IP6K1: variants seen among roughly 807,000 people sequenced by gnomAD.
The protein encoded by IP6K1 is ATP:1D-myo-inositol-hexakisphosphate phosphotransferase.
In IP6K1, 13 loss-of-function variants were observed where a neutral mutation model predicts 38.3. The ratio of observed to expected loss-of-function variants is 0.34; its 90% confidence interval spans 0.22 to 0.54. The LOEUF (loss-of-function observed/expected upper bound fraction) is 0.54, where lower values mean the gene tolerates loss of function less well. Among genes scored for constraint, IP6K1 ranks in the 20% least tolerant of loss-of-function variants. The pLI, the probability that IP6K1 is intolerant of heterozygous loss-of-function variation, is 0.92. For synonymous variants in IP6K1, 212 were observed against 229.9 expected (o/e 0.92, Z 0.70); for missense variants, 397 against 599.8 (o/e 0.66, Z 3.53).
chr3:49,764,403 A>G lies in IP6K1; in HGVS notation c.-128-16235T>C, dbSNP rs1368610972. Among the ~76,000 whole-genome samples, 74 of 152,140 alleles carry G rather than the reference A, an allele frequency of 4.9e-4. 1 individual carries two copies. The highest frequency in any genetic ancestry group is 4.8e-3 in the Admixed American group (74 of 15,266). ...TCTCTAAAACGAGAAAAATTTTAAA[A>G]TATATACAACAAACAAATTATATAT... On this transcript the variant is annotated intron_variant, in intron 1 of 5. Coordinates refer to ENST00000321599, the MANE Select transcript of IP6K1 (RefSeq NM_153273.4).
intron 1 of IP6K1, among the ~76,000 whole-genome samples, chr3:49,762,554 T>A (rs1397811981): frequency 6.6e-6 from 1 of 150,754 alleles, no homozygotes; most frequent in South Asian, 2.1e-4. Context: ...TGTCTCAAAA[T>A]AATAATAATA....
intron 1 of IP6K1, among the ~76,000 whole-genome samples, chr3:49,755,615 A>G (rs1330393172): frequency 2.0e-5 from 3 of 152,230 alleles, no homozygotes; most frequent in Non-Finnish European, 2.9e-5. Context: ...AAATAAACTG[A>G]TAAGTCACTC....
chr3:49,785,568 C>A (rs908439236), intron 1 of IP6K1: 2 of 152,106 alleles, frequency 1.3e-5, no homozygotes, highest in African/African-American at 4.8e-5. Context: ...ACAACAAAAA[C>A]AAGTTTCTTT....
At chr3:49,765,581 C>G (rs896702017) in intron 1 of IP6K1, among the ~76,000 whole-genome samples, 3 of 143,260 alleles carry the variant, frequency 2.1e-5, no homozygotes, top group Non-Finnish European at 3.0e-5. Flanking sequence ...ACATGGGAAT[C>G]AGAGGTTGCA....
intron 2 of IP6K1, among the ~76,000 whole-genome samples, chr3:49,740,894 C>T (rs1388685238): frequency 1.3e-5 from 2 of 150,192 alleles, no homozygotes; most frequent in African/African-American, 4.9e-5. Flanking sequence ...TGCTCTGTCG[C>T]CCAGGCTGGA....
chr3:49,760,465 A>T (rs531171473), intron 1 of IP6K1, among the ~76,000 whole-genome samples: 1 of 152,192 alleles, frequency 6.6e-6, no homozygotes, highest in Non-Finnish European at 1.5e-5. Flanking sequence ...CTTTACTAAA[A>T]ATACAAAAAT....
chr3:49,727,898 CTTG>C lies in IP6K1; in HGVS notation c.792+202_792+204del, dbSNP rs954829844. The stretch of plus-strand genomic sequence containing the variant: ...GAGCCCTCCTCCAACATCGGAACAT[CTTG>C]TTGACAGGCAAGAGTCTTATTTGTC... On this transcript the variant is annotated intron_variant, in intron 5 of 5. Transcript: ENST00000321599. This position sits in a 1 kb window ranked among gnomAD's most constrained non-coding sequence, Gnocchi z 5.9. Among the ~76,000 whole-genome samples the C allele has an allele frequency of 1.3e-5, 2 of 152,224 alleles. No individual in the cohort carries two copies. The highest frequency in any genetic ancestry group is 4.8e-5 in the African/African-American group (2 of 41,456).
At chr3:49,784,008 TATTA>T (rs1389154170) in intron 1 of IP6K1, among the ~76,000 whole-genome samples, 2 of 151,960 alleles carry the variant, frequency 1.3e-5, no homozygotes, top group African/African-American at 4.8e-5. Context: ...TTATTTTATT[TATTA>T]TTTATTTATT....
At chr3:49,745,871 AAGAC>A (rs1353533223) in intron 2 of IP6K1, among the ~76,000 whole-genome samples, 2 of 151,696 alleles carry the variant, frequency 1.3e-5, no homozygotes, top group African/African-American at 4.8e-5. Context: ...AAAAAAAAAA[AAGAC>A]AGAAACAACC....
chr3:49,770,120 GC>G (rs1287934078), intron 1 of IP6K1, among the ~76,000 whole-genome samples: 1 of 152,134 alleles, frequency 6.6e-6, no homozygotes, highest in Non-Finnish European at 1.5e-5. Flanking sequence ...GATCACTCAA[GC>G]CCAGGAGGCC....
rs773435250 is a variant in IP6K1 at position 49,761,216 on chromosome 3, G to A, written c.-128-13048C>T. Reference sequence around the variant, plus strand: ...TGTAGTCCCAGCTACTCGGGAGGCCGAGGCAGGAGAATCACTTGAACCCGG... The same window carrying A: ...TGTAGTCCCAGCTACTCGGGAGGCCAAGGCAGGAGAATCACTTGAACCCGG... On this transcript the variant is annotated intron_variant, in intron 1 of 5. Transcript: ENST00000321599. Among the ~76,000 whole-genome samples the A allele has an allele frequency of 2.6e-5, 4 of 152,026 alleles. 1 individual carries two copies. Among genetic ancestry groups the A allele is most frequent in the African/African-American group, 4.8e-5 (2 of 41,298 alleles).
At chr3:49,778,183 G>A (rs2081035566) in intron 1 of IP6K1, among the ~76,000 whole-genome samples, 1 of 151,940 alleles carries the variant, frequency 6.6e-6, no homozygotes, top group African/African-American at 2.4e-5. Context: ...AATTAGCCGA[G>A]CGTGCTGGCA....
intron 1 of IP6K1, among the ~76,000 whole-genome samples, chr3:49,754,696 A>C (rs773334434): frequency 2.6e-5 from 4 of 152,176 alleles, no homozygotes; most frequent in Non-Finnish European, 5.9e-5. Context: ...CTGCAATCAG[A>C]TATAGTGGCG....
intron 1 of IP6K1, among the ~76,000 whole-genome samples, chr3:49,753,456 C>T (rs1346176363): frequency 1.3e-5 from 2 of 152,130 alleles, no homozygotes. Flanking sequence ...TTCATTAAGG[C>T]ATTTATCCCC....
At chr3:49,782,589 C>T (rs2081075822) in intron 1 of IP6K1, among the ~76,000 whole-genome samples, 1 of 152,010 alleles carries the variant, frequency 6.6e-6, no homozygotes, top group African/African-American at 2.4e-5. Flanking sequence ...ATCATTTGCA[C>T]CCACGAGTTT....
intron 1 of IP6K1, among the ~76,000 whole-genome samples, chr3:49,753,961 GAAGGAAAA>G (rs2080800367): frequency 2.0e-5 from 3 of 152,040 alleles, no homozygotes. Flanking sequence ...GCAAAATACA[GAAGGAAAA>G]AGACAGCCTA....
chr3:49,733,239 A>C (rs142552009), intron 3 of IP6K1, among the ~76,000 whole-genome samples: 1 of 145,558 alleles, frequency 6.9e-6, no homozygotes, highest in Non-Finnish European at 1.5e-5. Context: ...CTTCACATCC[A>C]TTAGGATGGC....
At chr3:49,731,887 C>CAAAAAAAAAAAAAAACAAAAAA (rs2080565242) in intron 4 of IP6K1, among the ~76,000 whole-genome samples, 1 of 65,342 alleles carries the variant, frequency 1.5e-5, no homozygotes, top group Admixed American at 2.2e-4. Context: ...GACTCTGTCT[C>CAAAAAAAAAAAAAAACAAAAAA]AAAAAAAAAA....
At chr3:49,738,139 T>C (rs1052958907) in intron 3 of IP6K1, 73 bp downstream of exon 3, 6 of 1,244,086 alleles carry the variant, frequency 4.8e-6, no homozygotes, top group Non-Finnish European at 7.0e-6. Context: ...GAGCCCTGCT[T>C]CCCCATGATG....
Sources: allele counts gnomAD v4.1 joint callset (sites outside exome capture counted in the v4.1 genomes callset), GRCh38; gene constraint gnomAD v4.1.1; non-coding constraint Gnocchi (gnomAD v3.1); transcripts MANE v1.5; gene names NCBI Gene and HGNC (gene_info 2026-07-23, HGNC 2026-07-21).